Variants in TESC observed in about 807,000 individuals in gnomAD.
The protein encoded by TESC is calcineurin B homologous protein 3.
In TESC, 19 loss-of-function variants were observed where a neutral mutation model predicts 31.0. The observed-to-expected ratio is 0.61, with a 90% confidence interval of 0.43 to 0.90. TESC has a LOEUF of 0.90. TESC is among the 40% of genes least tolerant of loss of function. The pLI, the probability that TESC is intolerant of heterozygous loss-of-function variation, is 0.00. For missense variants in TESC, 248 were observed against 303.8 expected (o/e 0.82, Z 1.36); for synonymous variants, 109 against 114.8 (o/e 0.95, Z 0.32).
At chr12:117,046,188 T>C (rs1005559385) in intron 6 of TESC, among the ~76,000 whole-genome samples, 3 of 152,224 alleles carry the variant, frequency 2.0e-5, no homozygotes, top group Non-Finnish European at 2.9e-5. Context: ...CTGAGTCATT[T>C]GTTAAGAAAT....
chr12:117,075,839 G>GTGA (rs1955045323), intron 1 of TESC, among the ~76,000 whole-genome samples: 1 of 45,804 alleles, frequency 2.2e-5, no homozygotes, highest in African/African-American at 8.9e-5. Flanking sequence ...TAATTTTCGT[G>GTGA]TGTGTGTGTA....
intron 1 of TESC, among the ~76,000 whole-genome samples, chr12:117,075,923 GTATATATATA>G (rs1214809145): frequency 2.9e-5 from 2 of 68,704 alleles, no homozygotes; most frequent in East Asian, 3.3e-4. Flanking sequence ...ATGTGTGTGT[GTATATATATA>G]TATATATGTA....
intron 2 of TESC, among the ~76,000 whole-genome samples, chr12:117,058,950 T>C (rs891496841): frequency 2.0e-5 from 3 of 152,152 alleles, no homozygotes; most frequent in African/African-American, 7.2e-5. Flanking sequence ...TCAATCTGCT[T>C]CCTGCTCACC....
chr12:117,074,694 T>C (rs1955024779), intron 2 of TESC, among the ~76,000 whole-genome samples: 1 of 152,194 alleles, frequency 6.6e-6, no homozygotes, highest in Admixed American at 6.5e-5. Context: ...TGTCTGAGAT[T>C]CCAAGCACAT....
At chr12:117,075,871 G>T (rs1161236727) in intron 1 of TESC, among the ~76,000 whole-genome samples, 3 of 45,106 alleles carry the variant, frequency 6.7e-5, no homozygotes, top group African/African-American at 3.2e-4. Flanking sequence ...ATATATATAT[G>T]TGTGTATATA....
At chr12:117,071,399 G>C (rs1366707659) in intron 2 of TESC, among the ~76,000 whole-genome samples, 1 of 152,160 alleles carries the variant, frequency 6.6e-6, no homozygotes, top group East Asian at 1.9e-4. Flanking sequence ...ATTCTGTGCT[G>C]TGAATGTTGG....
intron 1 of TESC, among the ~76,000 whole-genome samples, chr12:117,087,164 A>G (rs1955228852): frequency 6.6e-6 from 1 of 151,992 alleles, no homozygotes; most frequent in African/African-American, 2.4e-5. Context: ...ACCATAGATC[A>G]CTCTTAGCTG....
chr12:117,039,486 T>C (rs1954450264), intron 7 of TESC, among the ~76,000 whole-genome samples: 1 of 152,242 alleles, frequency 6.6e-6, no homozygotes. Context: ...TCCAAGCTCT[T>C]AGCTCCAAGG....
At chr12:117,063,239 G>A (rs1440854886) in intron 2 of TESC, among the ~76,000 whole-genome samples, 1 of 152,156 alleles carries the variant, frequency 6.6e-6, no homozygotes, top group African/African-American at 2.4e-5. Context: ...CCTCCAGGCT[G>A]GCTCGAACCA....
In TESC at chr12:117,076,510, T is replaced by C. The variant is rs566040912; in HGVS notation, c.59-1170A>G. Among the ~76,000 whole-genome samples, 14 of 152,258 alleles carry C rather than the reference T, an allele frequency of 9.2e-5. 1 individual carries two copies. Among genetic ancestry groups the C allele is most frequent in the Non-Finnish European group, 2.1e-4 (14 of 68,008 alleles). ...CCCAGGCTAGAATGCAGTGGTGCAA[T>C]CTCAGCTCATTGCCACCTCTGCCTC... On this transcript the variant is annotated intron_variant, in intron 1 of 7. Coordinates refer to ENST00000335209, the MANE Select transcript of TESC (RefSeq NM_017899.4).
At chr12:117,041,386 A>G (rs1954481195) in intron 7 of TESC, among the ~76,000 whole-genome samples, 2 of 150,092 alleles carry the variant, frequency 1.3e-5, no homozygotes, top group Admixed American at 1.3e-4. Flanking sequence ...AGGATGGAGT[A>G]CAGTGGCGCA....
chr12:117,082,170 C>T (rs1460232259), intron 1 of TESC, among the ~76,000 whole-genome samples: 1 of 150,940 alleles, frequency 6.6e-6, no homozygotes, highest in African/African-American at 2.4e-5. Flanking sequence ...GATTGCACTC[C>T]AGCATGAGCA....
At chr12:117,096,983 T>C (rs1955404796) in intron 1 of TESC, among the ~76,000 whole-genome samples, 1 of 152,094 alleles carries the variant, frequency 6.6e-6, no homozygotes, top group East Asian at 1.9e-4. Context: ...AAAGCTCCAT[T>C]CTCATGCCAC....
At chr12:117,079,856 AT>A (rs1490591181) in intron 1 of TESC, among the ~76,000 whole-genome samples, 3 of 152,176 alleles carry the variant, frequency 2.0e-5, no homozygotes, top group Non-Finnish European at 4.4e-5. Context: ...ATGGGGTTCA[AT>A]TTAAATGGGG....
chr12:117,048,387 G>GAGGA (rs1444343772), intron 4 of TESC, among the ~76,000 whole-genome samples: 10 of 152,182 alleles, frequency 6.6e-5, no homozygotes, highest in African/African-American at 2.4e-4. Flanking sequence ...TTTTCTTGAT[G>GAGGA]AGGAGGCTGA....
chr12:117,051,594 C>T (rs73203845), intron 3 of TESC, among the ~76,000 whole-genome samples: 3,343 of 152,296 alleles, frequency 0.022, 61 homozygotes, highest in Non-Finnish European at 0.029. Context: ...CCGGACTTAT[C>T]GGGCTGCTCT....
chr12:117,056,715 C>T (rs1163358727), intron 3 of TESC, 91 bp downstream of exon 3: 3 of 1,423,970 alleles, frequency 2.1e-6, no homozygotes, highest in African/African-American at 1.4e-5. Context: ...TGGGCATCAG[C>T]TCAAAGGGTC....
At chr12:117,055,657 C>T (rs1954711900) in intron 3 of TESC, among the ~76,000 whole-genome samples, 3 of 152,328 alleles carry the variant, frequency 2.0e-5, no homozygotes, top group African/African-American at 4.8e-5. Flanking sequence ...TCGGTTCATT[C>T]AGGGCTGCCT....
At chr12:117,088,086 G>A (rs1445246243) in intron 1 of TESC, among the ~76,000 whole-genome samples, 2 of 152,190 alleles carry the variant, frequency 1.3e-5, no homozygotes, top group South Asian at 2.1e-4. Context: ...GATTTAGACC[G>A]AGGTCCATGA....
Sources: gnomAD v4.1 joint callset for allele counts (sites outside exome capture counted in the v4.1 genomes callset) on GRCh38, gnomAD v4.1.1 for gene constraint, MANE v1.5 for transcripts, NCBI Gene and HGNC (gene_info 2026-07-23, HGNC 2026-07-21) for gene names.